POU3F3: variants seen among roughly 807,000 people sequenced by gnomAD.
The protein encoded by POU3F3 is POU domain, class 3, transcription factor 3.
A neutral mutation model predicts 8.6 loss-of-function variants in POU3F3; 1 was observed. The ratio of observed to expected loss-of-function variants is 0.12; its 90% CI spans 0.04 to 0.55. The LOEUF (loss-of-function observed/expected upper bound fraction) is 0.55, where lower values mean the gene tolerates loss of function less well. Ranked by LOEUF, POU3F3 falls within the 20% of genes least tolerant of loss-of-function variation. POU3F3 has a pLI of 0.91. For synonymous variants in POU3F3, 418 were observed against 327.4 expected (o/e 1.28, Z -2.99); for missense variants, 577 against 690.7 (o/e 0.84, Z 1.84).
At chr2:104,898,541 G>A in the POU3F3 span, among the ~76,000 whole-genome samples, 17 of 152,234 alleles carry the variant, frequency 1.1e-4, no homozygotes, top group East Asian at 3.3e-3. Flanking sequence ...AAAATATTTG[G>A]TACTAGAGTT....
In POU3F3 at chr2:104,858,059, TA is replaced by T. The variant is rs1249134861; in HGVS notation, c.*1047del. 1 of 152,196 alleles carries T rather than the reference TA, an allele frequency of 6.6e-6. No individual in the cohort carries two copies. Among genetic ancestry groups the T allele is most frequent in the Non-Finnish European group, 1.5e-5 (1 of 68,040 alleles). The allele number at this position is 152,196 out of a possible 1,614,324, so 9.4% of individuals were successfully genotyped here. A position where few individuals can be genotyped will look rare whatever the true frequency, so the allele number is the denominator to read the frequency against. On this transcript the variant is annotated 3_prime_UTR_variant, in exon 1 of 1. Coordinates refer to ENST00000361360, the MANE Select transcript of POU3F3 (RefSeq NM_006236.3). Reference sequence around the variant, plus strand: ...CGATGCCTAAAGATTCCACCGCTAATATTTTTTTTATTAATATTTTTTATTT... The same window carrying T: ...CGATGCCTAAAGATTCCACCGCTAATTTTTTTTTATTAATATTTTTTATTT...
chr2:104,919,495 T>G, the POU3F3 span, among the ~76,000 whole-genome samples: 6 of 152,232 alleles, frequency 3.9e-5, no homozygotes, highest in African/African-American at 1.4e-4. Flanking sequence ...TCCGACTTAT[T>G]TGGCAATGTA....
At chr2:104,911,273 G>A in the POU3F3 span, among the ~76,000 whole-genome samples, 2 of 152,016 alleles carry the variant, frequency 1.3e-5, no homozygotes, top group African/African-American at 4.8e-5. Flanking sequence ...AAATAGCCAG[G>A]TGTGGTGGCA....
At chr2:104,899,312 G>A in the POU3F3 span, among the ~76,000 whole-genome samples, 842 of 152,276 alleles carry the variant, frequency 5.5e-3, 8 homozygotes, top group African/African-American at 0.019. Context: ...CAGAGCTTCG[G>A]GACAGCCCTG....
At chr2:104,910,531 TACCTC>T in the POU3F3 span, among the ~76,000 whole-genome samples, 4 of 152,156 alleles carry the variant, frequency 2.6e-5, no homozygotes, top group African/African-American at 9.7e-5. Context: ...TAACAATACC[TACCTC>T]ACAGGACTAA....
At chr2:104,881,008 A>G in the POU3F3 span, among the ~76,000 whole-genome samples, 1 of 152,236 alleles carries the variant, frequency 6.6e-6, no homozygotes, top group Admixed American at 6.5e-5. Flanking sequence ...CATAAAGTGA[A>G]CATATTATTT....
the POU3F3 span, among the ~76,000 whole-genome samples, chr2:104,891,792 C>T: frequency 1.3e-5 from 2 of 152,218 alleles, no homozygotes; most frequent in South Asian, 2.1e-4. Context: ...ATTTTAAAGG[C>T]GCAGTCTCCC....
the POU3F3 span, among the ~76,000 whole-genome samples, chr2:104,868,730 G>T: frequency 1.1e-4 from 17 of 152,164 alleles, no homozygotes; most frequent in African/African-American, 4.1e-4. Flanking sequence ...GGAGGGGGAG[G>T]CAATGAGTGA....
the POU3F3 span, among the ~76,000 whole-genome samples, chr2:104,884,082 A>T: frequency 6.6e-6 from 1 of 152,208 alleles, no homozygotes; most frequent in African/African-American, 2.4e-5. Context: ...GACCATGCTC[A>T]TTAAGTTAGA....
At chr2:104,896,003 C>T in the POU3F3 span, among the ~76,000 whole-genome samples, 1 of 152,170 alleles carries the variant, frequency 6.6e-6, no homozygotes, top group Non-Finnish European at 1.5e-5. Context: ...AGCAGGGAGT[C>T]TGTTTCAGCA....
the POU3F3 span, among the ~76,000 whole-genome samples, chr2:104,891,856 T>C: frequency 6.6e-6 from 1 of 152,204 alleles, no homozygotes; most frequent in African/African-American, 2.4e-5. Flanking sequence ...AACCAGCTGT[T>C]TCTAAATATA....
the POU3F3 span, among the ~76,000 whole-genome samples, chr2:104,916,843 G>A: frequency 6.6e-6 from 1 of 152,090 alleles, no homozygotes; most frequent in Non-Finnish European, 1.5e-5. Flanking sequence ...CTGCACTAAG[G>A]GATGCCCAGA....
At chr2:104,891,836 C>T in the POU3F3 span, among the ~76,000 whole-genome samples, 1 of 152,180 alleles carries the variant, frequency 6.6e-6, no homozygotes, top group African/African-American at 2.4e-5. Flanking sequence ...AATTAAAAAT[C>T]CAGTCAATCA....
chr2:104,903,813 G>C, the POU3F3 span, among the ~76,000 whole-genome samples: 1 of 152,180 alleles, frequency 6.6e-6, no homozygotes, highest in Non-Finnish European at 1.5e-5. Flanking sequence ...GGTTCTTGCA[G>C]GAAGATGGGC....
Position 104,856,017 on chromosome 2 carries a change from G to C in POU3F3, c.507G>C (p.Pro169=). The part of the protein sequence containing the change: ...HAGTALHHRG[P]PHLGPPPPPP... The stretch of plus-strand genomic sequence containing the variant: ...GCACAGCGCTGCACCACCGCGGGCC[G>C]CCGCACCTCGGACCCCCGCCGCCGC... Residue 169 remains proline (P), a synonymous_variant, in exon 1 of 1, where the codon CCG becomes CCC. Transcript: ENST00000361360. The C allele has an allele frequency of 1.0e-6, 1 of 985,576 alleles. No individual in the cohort carries two copies. Among genetic ancestry groups the C allele is most frequent in the Non-Finnish European group, 1.2e-6 (1 of 833,560 alleles). The allele number at this position is 985,576 out of a possible 1,614,324, so 61.1% of individuals were successfully genotyped here. A position where few individuals can be genotyped will look rare whatever the true frequency, so the allele number is the denominator to read the frequency against.
the POU3F3 span, among the ~76,000 whole-genome samples, chr2:104,911,951 A>G: frequency 6.6e-6 from 1 of 152,278 alleles, no homozygotes; most frequent in Admixed American, 6.5e-5. Flanking sequence ...TTAAGAGCCA[A>G]TTTTCCAAAA....
In POU3F3 at chr2:104,856,317, G is replaced by GCACCAC. The variant is rs762283249; in HGVS notation, c.826_831dup (p.His276_His277dup). ...GCGGGGACACGCCAGAGCTGGCCGA[G>GCACCAC]CACCACCACCACCACCACCACCACG... On this transcript the variant is annotated inframe_insertion, in exon 1 of 1. Transcript: ENST00000361360. 42 of 1,503,104 alleles carry GCACCAC rather than the reference G, an allele frequency of 2.8e-5. No homozygotes were observed. Among genetic ancestry groups the GCACCAC allele is most frequent in the African/African-American group, 5.6e-5 (4 of 71,444 alleles). 93.1% of individuals were successfully genotyped at this position (1,503,104 alleles called of 1,614,324 possible).
Position 104,856,074 on chromosome 2 carries a change from G to C in POU3F3, c.564G>C (p.Gly188=). The change falls in exon 1 of 1, where the codon GGG becomes GGC. Residue 188 remains glycine (G), a synonymous_variant. Transcript: ENST00000361360. The part of the protein sequence containing the change: ...PPHQGHPGGW[G]AAAAAAAAAA... ...ACCAGGGCCACCCTGGGGGCTGGGG[G>C]GCGGCCGCCGCTGCCGCAGCCGCAG... The C allele has an allele frequency of 3.0e-6, 3 of 1,008,222 alleles. No individual in the cohort carries two copies. Among genetic ancestry groups the C allele is most frequent in the Non-Finnish European group, 3.5e-6 (3 of 852,006 alleles). The allele number at this position is 1,008,222 out of a possible 1,614,324, so 62.5% of individuals were successfully genotyped here. A position where few individuals can be genotyped will look rare whatever the true frequency, so the allele number is the denominator to read the frequency against.
chr2:104,859,166 T>C (rs1382989305), downstream of POU3F3, among the ~76,000 whole-genome samples: 2 of 152,136 alleles, frequency 1.3e-5, no homozygotes, highest in African/African-American at 2.4e-5. Context: ...AAGAATATAG[T>C]TCTAAAATCC....
Sources: gnomAD v4.1 joint callset for allele counts (sites outside exome capture counted in the v4.1 genomes callset) on GRCh38, gnomAD v4.1.1 for gene constraint, MANE v1.5 for transcripts, NCBI Gene and HGNC (gene_info 2026-07-23, HGNC 2026-07-21) for gene names.